SPATS2: variants seen among roughly 807,000 people sequenced by gnomAD.
SPATS2 encodes spermatogenesis-associated serine-rich protein 2.
In SPATS2, 38 loss-of-function variants were observed where a neutral mutation model predicts 63.7. The observed-to-expected ratio is 0.60, with a 90% CI of 0.46 to 0.78. The LOEUF is 0.78. Ranked by LOEUF, SPATS2 falls within the 30% of genes least tolerant of loss-of-function variation. The pLI, the probability that SPATS2 is intolerant of heterozygous loss-of-function variation, is 0.00. For missense variants in SPATS2, 588 were observed against 666.2 expected (o/e 0.88, Z 1.29); for synonymous variants, 207 against 232.9 (o/e 0.89, Z 1.01).
rs200156038 is a variant in SPATS2, at chr12:49,524,880, A to G, written c.1310A>G (p.Tyr437Cys). The G allele has an allele frequency of 1.2e-6, 2 of 1,605,020 alleles. No individual in the cohort carries two copies. The highest frequency in any genetic ancestry group is 1.7e-6 in the Non-Finnish European group (2 of 1,177,132). The change falls in exon 13 of 14, where the codon TAC (tyrosine) becomes TGC (cysteine). Residue 437 changes from tyrosine to cysteine, a missense_variant. Transcript: ENST00000552918. ...AAIANSSGQP[Y>C]QPLREVLPGN... Reference sequence around the variant, plus strand: ...ATAGCAAACTCCAGTGGCCAGCCCTACCAGCCACTTCGGGAGGTAACCTAG... The same window carrying G: ...ATAGCAAACTCCAGTGGCCAGCCCTGCCAGCCACTTCGGGAGGTAACCTAG...
chr12:49,517,915 C>T (rs1029845021), intron 10 of SPATS2, among the ~76,000 whole-genome samples: 8 of 152,108 alleles, frequency 5.3e-5, no homozygotes, highest in Admixed American at 3.9e-4. Flanking sequence ...AGACTGTGTT[C>T]CATCAGCTAA....
intron 2 of SPATS2, among the ~76,000 whole-genome samples, chr12:49,429,900 C>G (rs1945150631): frequency 6.6e-6 from 1 of 151,088 alleles, no homozygotes; most frequent in South Asian, 2.1e-4. Flanking sequence ...CCTGCCTCAG[C>G]CTCCCAGGTA....
chr12:49,432,257 G>T (rs928589077), intron 2 of SPATS2, among the ~76,000 whole-genome samples: 1 of 152,066 alleles, frequency 6.6e-6, no homozygotes. Flanking sequence ...GTGGATCATG[G>T]GTTCAGGAGT....
intron 6 of SPATS2, chr12:49,490,958 A>G (rs1946372370): frequency 4.9e-6 from 2 of 410,872 alleles, no homozygotes; most frequent in Admixed American, 4.1e-5. Context: ...CCCGGCCAAC[A>G]TGGTGAAGTC....
chr12:49,377,108 T>G (rs767173450), intron 2 of SPATS2, among the ~76,000 whole-genome samples: 33 of 152,230 alleles, frequency 2.2e-4, no homozygotes, highest in Non-Finnish European at 4.0e-4. Context: ...ACTAGGTTTG[T>G]TGAAATGTCT....
chr12:49,436,699 C>T (rs1945303555), intron 2 of SPATS2, among the ~76,000 whole-genome samples: 4 of 136,230 alleles, frequency 2.9e-5, no homozygotes, highest in African/African-American at 8.3e-5. Flanking sequence ...AGGCGCCCCT[C>T]ACCTCCCGGA....
At chr12:49,462,402 T>C (rs1373267090) in intron 3 of SPATS2, 1 of 702,412 alleles carries the variant, frequency 1.4e-6, no homozygotes, top group Admixed American at 2.0e-5. Context: ...GTGGGGTGCC[T>C]GTGACCCCCG....
rs200312440 is a variant in SPATS2, at chr12:49,454,881, A to G, written c.-243-5889A>G. ...GGTGACAGAGTGAGGCTCTGTCTTT[A>G]AAAAAAAAAAAAAAAAACAGTCCAT... On this transcript the variant is annotated intron_variant, in intron 2 of 13. Transcript: ENST00000552918. 2.2e-3 allele frequency among the ~76,000 whole-genome samples: 262 copies of G among 120,078 alleles called. 7 individuals carry two copies. In the East Asian group the frequency reaches 0.055, roughly 25 times the overall value. 78.8% of individuals were successfully genotyped at this position (120,078 alleles called of 152,430 possible). A position where few individuals can be genotyped will look rare whatever the true frequency, so the allele number is the denominator to read the frequency against.
intron 2 of SPATS2, among the ~76,000 whole-genome samples, chr12:49,414,935 CTTTTCTTTTTTTT>C (rs1400511129): frequency 2.2e-5 from 3 of 135,918 alleles, no homozygotes; most frequent in African/African-American, 5.8e-5. Flanking sequence ...TTTTCTTTTT[CTTTTCTTTTTTTT>C]TTTTTTTTGA....
intron 10 of SPATS2, among the ~76,000 whole-genome samples, chr12:49,515,583 G>T (rs1428161371): frequency 6.6e-6 from 1 of 152,146 alleles, no homozygotes. Context: ...TCAGAGGTGA[G>T]ATTTCATTAC....
rs188372212 is a variant in SPATS2 at position 49,507,101 on chromosome 12, A to G, written c.839+6896A>G. On this transcript the variant is annotated intron_variant, in intron 9 of 13. Transcript: ENST00000552918. The stretch of plus-strand genomic sequence containing the variant: ...TAAGAATACTCCATCTGAATATTCA[A>G]TGTTCTTTTGATTTTGTGATTCAGA... Among the ~76,000 whole-genome samples, 21 of 152,312 alleles carry G rather than the reference A, an allele frequency of 1.4e-4. No homozygotes were observed. In the East Asian group the frequency reaches 3.7e-3, roughly 27 times the overall value.
At chr12:49,503,877 A>C (rs1263149008) in intron 9 of SPATS2, among the ~76,000 whole-genome samples, 1 of 152,186 alleles carries the variant, frequency 6.6e-6, no homozygotes, top group Non-Finnish European at 1.5e-5. Flanking sequence ...TAAATGACAA[A>C]TGAAATGGTT....
At chr12:49,434,407 C>G (rs566896292) in intron 2 of SPATS2, among the ~76,000 whole-genome samples, 16 of 152,236 alleles carry the variant, frequency 1.1e-4, no homozygotes, top group African/African-American at 3.9e-4. Context: ...CTTATCATCA[C>G]CCCAACAAAA....
At chr12:49,493,609 G>A (rs1356926304) in intron 6 of SPATS2, among the ~76,000 whole-genome samples, 1 of 151,820 alleles carries the variant, frequency 6.6e-6, no homozygotes, top group Non-Finnish European at 1.5e-5. Context: ...CGTCGTATTG[G>A]CCAGGTTGGT....
At chr12:49,492,650 T>G (rs1455563103) in intron 6 of SPATS2, among the ~76,000 whole-genome samples, 2 of 152,178 alleles carry the variant, frequency 1.3e-5, no homozygotes, top group Non-Finnish European at 2.9e-5. Context: ...GAAATATGAC[T>G]TCAGTTTAGC....
chr12:49,417,493 T>C (rs11833058), intron 2 of SPATS2, among the ~76,000 whole-genome samples: 2,299 of 152,346 alleles, frequency 0.015, 57 homozygotes, highest in African/African-American at 0.052. Context: ...CTCTACTGCC[T>C]GACCCCATCT....
At chr12:49,465,410 TATCTC>T (rs1945895388) in intron 3 of SPATS2, among the ~76,000 whole-genome samples, 2 of 152,146 alleles carry the variant, frequency 1.3e-5, no homozygotes, top group Non-Finnish European at 2.9e-5. Context: ...TGTGTAATGG[TATCTC>T]ATTGTGGTTT....
intron 13 of SPATS2, among the ~76,000 whole-genome samples, chr12:49,525,179 C>T (rs543847890): frequency 2.6e-5 from 4 of 152,186 alleles, no homozygotes; most frequent in Non-Finnish European, 5.9e-5. Flanking sequence ...CACTGGGAGT[C>T]GTGCACCCAT....
Position 49,468,155 on chromosome 12 carries a change from GT to G in SPATS2, c.25+7129del, listed in dbSNP as rs1161204784. On this transcript the variant is annotated intron_variant, in intron 3 of 13. Coordinates refer to ENST00000552918, the MANE Select transcript of SPATS2 (RefSeq NM_023071.4). ...CTTTCACTCTTTTCTTTTCTTTCTT[GT>G]TTTTTTTTTTCTTTTTTTTTTTGAA... 5.3e-3 allele frequency among the ~76,000 whole-genome samples: 439 copies of G among 82,908 alleles called. 2 individuals carry two copies. The highest frequency in any genetic ancestry group is 0.015 in the African/African-American group (329 of 22,286). The allele number at this position is 82,908 out of a possible 152,430, so 54.4% of individuals were successfully genotyped here.
Sources: allele counts gnomAD v4.1 joint callset (sites outside exome capture counted in the v4.1 genomes callset), GRCh38; gene constraint gnomAD v4.1.1; transcripts MANE v1.5; gene names NCBI Gene and HGNC (gene_info 2026-07-23, HGNC 2026-07-21).